Variants in ASTN2 observed in about 807,000 individuals in gnomAD.
ASTN2 encodes astrotactin 2.
Under a neutral mutation model 139.8 loss-of-function variants are expected in ASTN2, and 54 were observed. The observed-to-expected ratio is 0.39, with a 90% confidence interval of 0.31 to 0.48. ASTN2 has a LOEUF of 0.48. ASTN2 is among the 20% of genes least tolerant of loss of function. The pLI is 0.95. For missense variants in ASTN2, 1,565 were observed against 1,725.1 expected (o/e 0.91, Z 1.64); for synonymous variants, 756 against 719.5 (o/e 1.05, Z -0.81).
intron 1 of ASTN2, among the ~76,000 whole-genome samples, chr9:117,396,568 GTGT>G (rs931137547): frequency 1.3e-5 from 2 of 152,054 alleles, no homozygotes; most frequent in African/African-American, 2.4e-5. Flanking sequence ...GAGATGTTTT[GTGT>G]TGTTGTTGTT....
chr9:117,186,466 G>A (rs998538049), intron 3 of ASTN2, among the ~76,000 whole-genome samples: 6 of 152,218 alleles, frequency 3.9e-5, no homozygotes, highest in East Asian at 1.9e-4. Flanking sequence ...AGAATGGTGC[G>A]GGCCTGGGAG....
At chr9:117,149,497 T>C (rs139184329) in intron 3 of ASTN2, among the ~76,000 whole-genome samples, 1 of 152,212 alleles carries the variant, frequency 6.6e-6, no homozygotes, top group East Asian at 1.9e-4. Context: ...CTCTGACCAA[T>C]GCAACCTCAG....
intron 2 of ASTN2, among the ~76,000 whole-genome samples, chr9:117,281,123 C>T (rs540163949): frequency 6.6e-5 from 10 of 152,214 alleles, no homozygotes; most frequent in East Asian, 5.8e-4. Context: ...AGGCCAAGAA[C>T]GATAACAGAG....
chr9:117,204,383 C>T (rs1831841867), intron 3 of ASTN2, among the ~76,000 whole-genome samples: 1 of 152,202 alleles, frequency 6.6e-6, no homozygotes, highest in African/African-American at 2.4e-5. Context: ...GATTGATCAA[C>T]TGATGGATCA....
At chr9:116,472,629 C>G (rs568059983) in intron 20 of ASTN2, among the ~76,000 whole-genome samples, 3 of 151,896 alleles carry the variant, frequency 2.0e-5, no homozygotes, top group African/African-American at 7.2e-5. Context: ...TCTGGCCAGG[C>G]GTGGTAGCTC....
chr9:117,085,963 T>G (rs1828549771), intron 5 of ASTN2, among the ~76,000 whole-genome samples: 1 of 152,182 alleles, frequency 6.6e-6, no homozygotes, highest in Non-Finnish European at 1.5e-5. Flanking sequence ...AAGTGAACCC[T>G]CTCAATTCTT....
intron 13 of ASTN2, among the ~76,000 whole-genome samples, chr9:116,777,941 C>T (rs1229552717): frequency 1.3e-5 from 2 of 152,130 alleles, no homozygotes; most frequent in Non-Finnish European, 2.9e-5. Flanking sequence ...CTCCCGGGTT[C>T]AAGCAATTCT....
intron 3 of ASTN2, among the ~76,000 whole-genome samples, chr9:117,153,999 G>A (rs1830380375): frequency 6.6e-6 from 1 of 152,092 alleles, no homozygotes; most frequent in South Asian, 2.1e-4. Context: ...TGTGGAATCT[G>A]TATAAATTCT....
At position 117,342,904 on chromosome 9, in the gene ASTN2, C is replaced by T. The variant is rs60480857; in HGVS notation, c.443-51391G>A. 2.6e-5 allele frequency among the ~76,000 whole-genome samples: 4 copies of T among 152,234 alleles called. No homozygotes were observed. In the East Asian group the frequency reaches 5.8e-4, roughly 22 times the overall value. On this transcript the variant is annotated intron_variant, in intron 1 of 22. Coordinates refer to ENST00000313400, the MANE Select transcript of ASTN2 (RefSeq NM_001365068.1). The stretch of plus-strand genomic sequence containing the variant: ...ACTTTGAGTCTTGACAACATTGAGT[C>T]GCCATCAAATGACATTCTGGGAGGC...
intron 5 of ASTN2, among the ~76,000 whole-genome samples, chr9:117,094,423 G>A (rs952414904): frequency 6.6e-6 from 1 of 152,172 alleles, no homozygotes; most frequent in African/African-American, 2.4e-5. Flanking sequence ...AATAGCCCAG[G>A]CCTGCTGAGG....
chr9:116,741,097 T>G (rs1829086876), intron 13 of ASTN2, among the ~76,000 whole-genome samples: 1 of 152,152 alleles, frequency 6.6e-6, no homozygotes, highest in Non-Finnish European at 1.5e-5. Flanking sequence ...CAAGGGAAGC[T>G]GGACTCCTCT....
chr9:116,842,306 GTTTCCCAATATGCTATCTT>G (rs1464557607), intron 11 of ASTN2, among the ~76,000 whole-genome samples: 3 of 152,164 alleles, frequency 2.0e-5, no homozygotes, highest in Non-Finnish European at 4.4e-5. Context: ...TAAGCTGGAT[GTTTCCCAATATGCTATCTT>G]TTTTAATCCC....
chr9:116,829,134 T>A (rs935160701), intron 11 of ASTN2, among the ~76,000 whole-genome samples: 1 of 151,860 alleles, frequency 6.6e-6, no homozygotes, highest in Non-Finnish European at 1.5e-5. Flanking sequence ...ACCAACATCA[T>A]TTTTCAAAGC....
At chr9:116,970,388 C>G (rs940681089) in intron 10 of ASTN2, among the ~76,000 whole-genome samples, 1 of 152,184 alleles carries the variant, frequency 6.6e-6, no homozygotes, top group African/African-American at 2.4e-5. Flanking sequence ...GAGCTAGTGA[C>G]TTCCTGCTAA....
At chr9:117,169,760 G>A (rs1156337243) in intron 3 of ASTN2, among the ~76,000 whole-genome samples, 1 of 151,754 alleles carries the variant, frequency 6.6e-6, no homozygotes, top group African/African-American at 2.4e-5. Context: ...CTGGTGTGGG[G>A]AGGGAAGGTT....
intron 16 of ASTN2, among the ~76,000 whole-genome samples, chr9:116,676,603 T>C (rs1192578364): frequency 1.3e-5 from 2 of 152,238 alleles, no homozygotes; most frequent in East Asian, 3.8e-4. Flanking sequence ...AGACAGACAT[T>C]TGTGGGCTCA....
At chr9:116,480,978 T>C (rs756989577) in intron 20 of ASTN2, among the ~76,000 whole-genome samples, 12 of 152,214 alleles carry the variant, frequency 7.9e-5, no homozygotes, top group Non-Finnish European at 1.5e-4. Flanking sequence ...CCTGCTGCCA[T>C]TTGGTAAGCA....
At chr9:117,365,017 T>C (rs896695188) in intron 1 of ASTN2, among the ~76,000 whole-genome samples, 2 of 149,144 alleles carry the variant, frequency 1.3e-5, no homozygotes, top group African/African-American at 5.0e-5. Context: ...CCATGCATTA[T>C]GGCATGCACC....
At position 117,246,045 on chromosome 9, in the gene ASTN2, A is replaced by G. The variant is rs75549685; in HGVS notation, c.631-31303T>C. 7.8e-3 allele frequency among the ~76,000 whole-genome samples: 1,188 copies of G among 152,306 alleles called. 8 individuals carry two copies. The highest frequency in any genetic ancestry group is 0.013 in the Non-Finnish European group (861 of 68,030). ...CAACTATGTCCCTGATGCGTGGCAT[A>G]GTGCATGGCACAGACAAGACAAAAT... On this transcript the variant is annotated intron_variant, in intron 2 of 22. Transcript: ENST00000313400.
Sources: allele counts gnomAD v4.1 joint callset (sites outside exome capture counted in the v4.1 genomes callset), GRCh38; gene constraint gnomAD v4.1.1; transcripts MANE v1.5; gene names NCBI Gene and HGNC (gene_info 2026-07-23, HGNC 2026-07-21).